The following PTCHD4 variants were observed in gnomAD, a reference collection of about 807,000 sequenced individuals.
The protein encoded by PTCHD4 is patched domain containing 4, also known as patched domain-containing protein 4.
In PTCHD4, 33 loss-of-function variants were observed where a neutral mutation model predicts 58.1. That is an observed-to-expected ratio of 0.57 (90% CI 0.43 to 0.76). PTCHD4 has a LOEUF of 0.76. PTCHD4 is among the 30% of genes least tolerant of loss of function. The pLI is 0.00. For missense variants in PTCHD4, 1,058 were observed against 1,027.1 expected (o/e 1.03, Z -0.41); for synonymous variants, 478 against 409.6 (o/e 1.17, Z -2.02).
chr6:48,007,850 A>G (rs1317362753), intron 4 of PTCHD4, among the ~76,000 whole-genome samples: 3 of 152,166 alleles, frequency 2.0e-5, no homozygotes, highest in Non-Finnish European at 4.4e-5. Flanking sequence ...CTCTTTTCTG[A>G]TAAGACACAT....
intron 4 of PTCHD4, among the ~76,000 whole-genome samples, chr6:47,986,876 GC>G (rs1375762102): frequency 6.6e-6 from 1 of 152,152 alleles, no homozygotes; most frequent in African/African-American, 2.4e-5. Flanking sequence ...GTATGCCACT[GC>G]CAGGGGAAAT....
In PTCHD4 at chr6:47,872,632, C is replaced by A. The variant is rs1271931580; in HGVS notation, c.*5671G>T. The stretch of plus-strand genomic sequence containing the variant: ...GACCTTTCTTAAGGGAAATTTTCAA[C>A]TGGGGAAAAATAGTAGAAGCTGGCT... On this transcript the variant is annotated 3_prime_UTR_variant, in exon 5 of 5. Coordinates refer to ENST00000339488, the MANE Select transcript of PTCHD4 (RefSeq NM_001384253.1). 6.6e-6 allele frequency among the ~76,000 whole-genome samples: 1 copy of A among 151,544 alleles called. No individual in the cohort carries two copies. The highest frequency in any genetic ancestry group is 2.4e-5 in the African/African-American group (1 of 41,326).
chr6:48,051,804 G>A (rs912872070), intron 3 of PTCHD4, among the ~76,000 whole-genome samples: 1 of 151,972 alleles, frequency 6.6e-6, no homozygotes, highest in Non-Finnish European at 1.5e-5. Context: ...AAGCAGCTCT[G>A]AAAGATTTTC....
rs957307832 is a variant in PTCHD4, at chr6:47,865,649, C to A, written c.*12654G>T. The stretch of plus-strand genomic sequence containing the variant: ...TTCCTTTTTATATTCAGTGCCACAA[C>A]TCTATTTCAGGCCAATATTACCTTC... On this transcript the variant is annotated 3_prime_UTR_variant, in exon 5 of 5. Coordinates refer to ENST00000339488, the MANE Select transcript of PTCHD4 (RefSeq NM_001384253.1). Among the ~76,000 whole-genome samples, 1 of 151,810 alleles carries A rather than the reference C, an allele frequency of 6.6e-6. No homozygotes were observed. The highest frequency in any genetic ancestry group is 1.5e-5 in the Non-Finnish European group (1 of 67,864).
chr6:47,898,352 T>A (rs527684412), intron 4 of PTCHD4, among the ~76,000 whole-genome samples: 223 of 152,314 alleles, frequency 1.5e-3, no homozygotes, highest in African/African-American at 4.9e-3. Context: ...TGTTGTGTAA[T>A]ATTAATTTTT....
At chr6:47,946,287 A>G (rs929952452) in intron 4 of PTCHD4, among the ~76,000 whole-genome samples, 10 of 152,150 alleles carry the variant, frequency 6.6e-5, no homozygotes, top group African/African-American at 2.4e-4. Context: ...TATTGAGAGA[A>G]GTTCAAATCT....
chr6:48,018,663 G>T (rs1310265360), intron 3 of PTCHD4, among the ~76,000 whole-genome samples: 1 of 152,188 alleles, frequency 6.6e-6, no homozygotes, highest in Non-Finnish European at 1.5e-5. Flanking sequence ...ATCCCCAGAT[G>T]TCTACCAGTA....
intron 4 of PTCHD4, among the ~76,000 whole-genome samples, chr6:47,989,635 A>G (rs901969434): frequency 6.6e-6 from 1 of 152,180 alleles, no homozygotes; most frequent in Admixed American, 6.5e-5. Flanking sequence ...CAGCTTCCAC[A>G]TGGTATTAAG....
At chr6:47,961,043 A>C (rs1170602465) in intron 4 of PTCHD4, among the ~76,000 whole-genome samples, 1 of 151,664 alleles carries the variant, frequency 6.6e-6, no homozygotes, top group Non-Finnish European at 1.5e-5. Context: ...GGAGCAAACA[A>C]CAGCAGAATT....
At chr6:48,043,952 A>G (rs1487012100) in intron 3 of PTCHD4, among the ~76,000 whole-genome samples, 2 of 151,876 alleles carry the variant, frequency 1.3e-5, no homozygotes, top group Non-Finnish European at 2.9e-5. Flanking sequence ...TATGAGAATT[A>G]GAACGTAAAA....
chr6:48,079,278 C>T (rs913783989), intron 1 of PTCHD4, among the ~76,000 whole-genome samples: 1 of 152,036 alleles, frequency 6.6e-6, no homozygotes, highest in South Asian at 2.1e-4. Flanking sequence ...CTTGCATAGT[C>T]GTAACCATGA....
At chr6:47,953,867 A>T (rs923957180) in intron 4 of PTCHD4, among the ~76,000 whole-genome samples, 1 of 152,176 alleles carries the variant, frequency 6.6e-6, no homozygotes, top group African/African-American at 2.4e-5. Flanking sequence ...GCTACATCTC[A>T]TAATATCTTC....
chr6:47,999,640 T>TC (rs1768643998), intron 4 of PTCHD4, among the ~76,000 whole-genome samples: 1 of 152,146 alleles, frequency 6.6e-6, no homozygotes, highest in African/African-American at 2.4e-5. Context: ...AACGCAGAGG[T>TC]CAGAAGAGCT....
Position 47,871,348 on chromosome 6 carries a change from G to A in PTCHD4, c.*6955C>T, listed in dbSNP as rs537727786. Among the ~76,000 whole-genome samples the A allele has an allele frequency of 2.8e-4, 42 of 151,660 alleles. No individual in the cohort carries two copies. Among genetic ancestry groups the A allele is most frequent in the Non-Finnish European group, 2.5e-4 (17 of 67,680 alleles). ...GCCTAGAATAAACAAACAAACACCCGAACAGATTTTTTCCTCCAAGAAAAG... is the reference window on the plus strand; with the variant it reads ...GCCTAGAATAAACAAACAAACACCCAAACAGATTTTTTCCTCCAAGAAAAG... On this transcript the variant is annotated 3_prime_UTR_variant, in exon 5 of 5. Coordinates refer to ENST00000339488, the MANE Select transcript of PTCHD4 (RefSeq NM_001384253.1).
At chr6:48,092,764 A>T (rs1765392661) in intron 1 of PTCHD4, among the ~76,000 whole-genome samples, 1 of 152,208 alleles carries the variant, frequency 6.6e-6, no homozygotes, top group African/African-American at 2.4e-5. Flanking sequence ...ATACACAGGA[A>T]TGTCACCAAC....
rs528760940 is a variant in PTCHD4, at chr6:47,872,333, C to A, written c.*5970G>T. On this transcript the variant is annotated 3_prime_UTR_variant, in exon 5 of 5. Coordinates refer to ENST00000339488, the MANE Select transcript of PTCHD4 (RefSeq NM_001384253.1). Reference sequence around the variant, plus strand: ...TCTTCCAAAGCATTAGAATTTTTTTCCCCCTCTGGTTTGACAGAGCCTTGT... The same window carrying A: ...TCTTCCAAAGCATTAGAATTTTTTTACCCCTCTGGTTTGACAGAGCCTTGT... Among the ~76,000 whole-genome samples the A allele has an allele frequency of 9.9e-5, 15 of 151,618 alleles. No homozygotes were observed. Among genetic ancestry groups the A allele is most frequent in the African/African-American group, 3.1e-4 (13 of 41,354 alleles).
intron 4 of PTCHD4, among the ~76,000 whole-genome samples, chr6:47,881,390 G>C (rs1384755411): frequency 6.6e-6 from 1 of 152,126 alleles, no homozygotes; most frequent in Non-Finnish European, 1.5e-5. Context: ...GGTGTTTCAT[G>C]TGACATAGTT....
intron 4 of PTCHD4, among the ~76,000 whole-genome samples, chr6:47,909,531 T>C (rs1765000630): frequency 6.6e-6 from 1 of 152,194 alleles, no homozygotes; most frequent in South Asian, 2.1e-4. Flanking sequence ...CACTGTAACC[T>C]TGACCTCCTG....
At chr6:48,085,846 G>A (rs377310782) in intron 1 of PTCHD4, among the ~76,000 whole-genome samples, 5 of 151,992 alleles carry the variant, frequency 3.3e-5, no homozygotes, top group East Asian at 1.9e-4. Context: ...GATGTGATGC[G>A]TGCTTAGTCT....
Sources: gnomAD v4.1 joint callset for allele counts (sites outside exome capture counted in the v4.1 genomes callset) on GRCh38, gnomAD v4.1.1 for gene constraint, MANE v1.5 for transcripts, NCBI Gene and HGNC (gene_info 2026-07-23, HGNC 2026-07-21) for gene names.